Variants in PTPRJ observed in about 807,000 individuals in gnomAD.
The protein encoded by PTPRJ is protein tyrosine phosphatase receptor type J.
In PTPRJ, 129 loss-of-function variants were observed where a neutral mutation model predicts 141.3. That is an observed-to-expected ratio of 0.91 (90% CI 0.79 to 1.06). The LOEUF (loss-of-function observed/expected upper bound fraction) is 1.06. PTPRJ is among the 50% of genes least tolerant of loss of function. The pLI, the probability that PTPRJ is intolerant of heterozygous loss-of-function variation, is 0.00. For synonymous variants in PTPRJ, 610 were observed against 640.5 expected (o/e 0.95, Z 0.72); for missense variants, 1,601 against 1,679.7 (o/e 0.95, Z 0.82).
chr11:48,102,535 A>G (rs1856174441), intron 1 of PTPRJ, among the ~76,000 whole-genome samples: 1 of 151,900 alleles, frequency 6.6e-6, no homozygotes, highest in Non-Finnish European at 1.5e-5. Flanking sequence ...CAGCCTCCCG[A>G]GTAGCTAGGA....
In PTPRJ at chr11:48,142,885, T is replaced by C. The variant is rs1311999412; in HGVS notation, c.2444-34T>C. The C allele has an allele frequency of 9.4e-6, 15 of 1,593,852 alleles. No individual in the cohort carries two copies. In the Admixed American group the frequency reaches 1.1e-4, roughly 11 times the overall value. Reference sequence around the variant, plus strand: ...TAATGTGTTGCTTTGGTTTTCAATATTGGGTGATCATGTTTTGTTTTGTTT... The same window carrying C: ...TAATGTGTTGCTTTGGTTTTCAATACTGGGTGATCATGTTTTGTTTTGTTT... On this transcript the variant is annotated intron_variant, in intron 11 of 24. Coordinates refer to ENST00000418331, the MANE Select transcript of PTPRJ (RefSeq NM_002843.4).
At position 48,163,562 on chromosome 11, in the gene PTPRJ, C is replaced by T. The variant is rs1474339867; in HGVS notation, c.3663C>T (p.Leu1221=). The T allele has an allele frequency of 1.2e-5, 19 of 1,613,872 alleles. No homozygotes were observed. The highest frequency in any genetic ancestry group is 2.2e-5 in the East Asian group (1 of 44,900). ...TTDLLINFRY[L]VRDYMKQSPP... ...ACCTGCTCATCAACTTCCGGTACCT[C>T]GTTCGTGACTACATGAAGCAGAGTC... The change falls in exon 23 of 25, where the codon CTC becomes CTT. Residue 1221 remains leucine, a synonymous_variant. Transcript: ENST00000418331.
chr11:48,126,827 C>CAA (rs1856847857), intron 6 of PTPRJ, among the ~76,000 whole-genome samples: 3 of 145,022 alleles, frequency 2.1e-5, no homozygotes, highest in African/African-American at 2.7e-5. Flanking sequence ...CACAGATAAA[C>CAA]ACACATTTCC....
At position 48,164,290 on chromosome 11, in the gene PTPRJ, G is replaced by A. The variant is rs548981402; in HGVS notation, c.3720-90G>A. ...TTGCCCTCAAAGTGTGACAGTGAAG[G>A]AAAGCAAGATATATGTACAAATGAG... On this transcript the variant is annotated intron_variant, in intron 23 of 24. Coordinates refer to ENST00000418331, the MANE Select transcript of PTPRJ (RefSeq NM_002843.4). 9 of 1,512,644 alleles carry A rather than the reference G, an allele frequency of 5.9e-6. No individual in the cohort carries two copies. The Admixed American group carries it at 8.0e-5, about 14-fold the overall frequency. 93.7% of individuals were successfully genotyped at this position (1,512,644 alleles called of 1,614,324 possible).
intron 1 of PTPRJ, among the ~76,000 whole-genome samples, chr11:48,063,008 AAAG>A (rs1393476724): frequency 4.6e-5 from 7 of 152,192 alleles, no homozygotes; most frequent in African/African-American, 1.7e-4. Flanking sequence ...AGTTGTTAAA[AAAG>A]AGAACTGATG....
rs1590532072 is a variant in PTPRJ, at chr11:48,124,870, T to C, written c.875-98T>C. 29 of 1,121,016 alleles carry C rather than the reference T, an allele frequency of 2.6e-5. No individual in the cohort carries two copies. The East Asian group carries it at 6.6e-4, about 26-fold the overall frequency. The allele number at this position is 1,121,016 out of a possible 1,614,324, so 69.4% of individuals were successfully genotyped here. On this transcript the variant is annotated intron_variant, in intron 5 of 24. Coordinates refer to ENST00000418331, the MANE Select transcript of PTPRJ (RefSeq NM_002843.4). Reference sequence around the variant, plus strand: ...TTGATGGAGCACCAACTGTGGCCACTGTCTGATGGCCATCTGATGGGGTTG... The same window carrying C: ...TTGATGGAGCACCAACTGTGGCCACCGTCTGATGGCCATCTGATGGGGTTG...
intron 11 of PTPRJ, among the ~76,000 whole-genome samples, chr11:48,141,536 T>A (rs1857228556): frequency 6.6e-6 from 1 of 152,192 alleles, no homozygotes; most frequent in African/African-American, 2.4e-5. Context: ...CCACCTCATC[T>A]GTGATTCTTC....
intron 1 of PTPRJ, among the ~76,000 whole-genome samples, chr11:48,090,811 G>A (rs979038247): frequency 7.2e-5 from 11 of 151,974 alleles, no homozygotes; most frequent in Non-Finnish European, 1.0e-4. Context: ...GGAGCTGTCC[G>A]TCCCCTGGTC....
At chr11:48,002,966 C>T (rs972793758) in intron 1 of PTPRJ, among the ~76,000 whole-genome samples, 2 of 152,020 alleles carry the variant, frequency 1.3e-5, no homozygotes, top group Admixed American at 6.6e-5. Context: ...AAAAAAAAGC[C>T]CTTTATCCCC....
At chr11:48,153,504 A>AG (rs1331801988) in intron 18 of PTPRJ, among the ~76,000 whole-genome samples, 1 of 149,554 alleles carries the variant, frequency 6.7e-6, no homozygotes, top group Non-Finnish European at 1.5e-5. Flanking sequence ...AAAAAAAAAA[A>AG]AAAAAAAAAA....
intron 1 of PTPRJ, among the ~76,000 whole-genome samples, chr11:48,008,448 C>CG (rs1396399128): frequency 3.3e-5 from 5 of 150,934 alleles, no homozygotes; most frequent in African/African-American, 1.2e-4. Flanking sequence ...TTAGTAGAGA[C>CG]GGGGTTTCAC....
chr11:48,030,928 T>C (rs1179138336), intron 1 of PTPRJ, among the ~76,000 whole-genome samples: 2 of 152,124 alleles, frequency 1.3e-5, no homozygotes, highest in Admixed American at 6.5e-5. Context: ...TAGTCCCAGA[T>C]ACAATATGTA....
intron 1 of PTPRJ, among the ~76,000 whole-genome samples, chr11:48,026,605 A>G (rs1227086689): frequency 2.0e-5 from 3 of 151,490 alleles, no homozygotes; most frequent in Admixed American, 1.3e-4. Context: ...GCCCGCCACC[A>G]TGCCCAGCTA....
intron 1 of PTPRJ, among the ~76,000 whole-genome samples, chr11:48,040,616 T>C (rs1854250720): frequency 6.7e-6 from 1 of 150,352 alleles, no homozygotes. Flanking sequence ...CTTCTTCTTT[T>C]TTTTTTTTTT....
intron 1 of PTPRJ, among the ~76,000 whole-genome samples, chr11:48,084,430 C>T (rs905539677): frequency 3.9e-5 from 6 of 152,156 alleles, no homozygotes; most frequent in African/African-American, 7.2e-5. Flanking sequence ...GTGATCTACC[C>T]GCCTCAGCCT....
chr11:48,001,525 T>C (rs1458887584), intron 1 of PTPRJ, among the ~76,000 whole-genome samples: 2 of 152,110 alleles, frequency 1.3e-5, no homozygotes, highest in African/African-American at 4.8e-5. Flanking sequence ...ATTACTAACC[T>C]CTGTGAGGTT....
At chr11:47,981,196 C>T (rs1452059077) in intron 1 of PTPRJ, among the ~76,000 whole-genome samples, 188 bp downstream of exon 1, 1 of 152,096 alleles carries the variant, frequency 6.6e-6, no homozygotes, top group African/African-American at 2.4e-5. Context: ...ATCCCTTTTC[C>T]GGCTGCCCAG....
chr11:48,051,902 A>T (rs1854580770), intron 1 of PTPRJ, among the ~76,000 whole-genome samples: 2 of 152,220 alleles, frequency 1.3e-5, no homozygotes, highest in African/African-American at 4.8e-5. Context: ...GCATAGGCAG[A>T]TGATAGTCAT....
chr11:48,067,252 C>T (rs1168990570), intron 1 of PTPRJ, among the ~76,000 whole-genome samples: 1 of 152,166 alleles, frequency 6.6e-6, no homozygotes, highest in African/African-American at 2.4e-5. Flanking sequence ...ACAGAGCCTC[C>T]GGCCTGGAAC....
Sources: gnomAD v4.1 joint callset for allele counts (sites outside exome capture counted in the v4.1 genomes callset) on GRCh38, gnomAD v4.1.1 for gene constraint, MANE v1.5 for transcripts, NCBI Gene and HGNC (gene_info 2026-07-23, HGNC 2026-07-21) for gene names.